The following CELSR3 variants were observed in gnomAD, a reference collection of about 807,000 sequenced individuals.
CELSR3 encodes the protein cadherin EGF LAG seven-pass G-type receptor 3, also known as EGF-like protein 1.
A neutral mutation model predicts 270.0 loss-of-function variants in CELSR3; 73 were observed. The ratio of observed to expected loss-of-function variants is 0.27; its 90% CI spans 0.22 to 0.33. The LOEUF is 0.33. Among genes scored for constraint, CELSR3 ranks in the 10% least tolerant of loss-of-function variants. The pLI is 1.00. For synonymous variants in CELSR3, 1,780 were observed against 1,905.4 expected (o/e 0.93, Z 1.71); for missense variants, 3,614 against 4,533.8 (o/e 0.80, Z 5.83).
In CELSR3 at chr3:48,654,971, G is replaced by A; in HGVS notation, c.4988+73C>T. On this transcript the variant is annotated intron_variant, in intron 6 of 34. Coordinates refer to ENST00000164024, the MANE Select transcript of CELSR3 (RefSeq NM_001407.3). This position sits in a 1 kb window ranked among gnomAD's most constrained non-coding sequence, Gnocchi z 5.4. Reference sequence around the variant, plus strand: ...GGGAGAGTTTGGCAGGATGGGATGAGGAATGGGATGTGAAGGGTTGGAGTG... The same window carrying A: ...GGGAGAGTTTGGCAGGATGGGATGAAGAATGGGATGTGAAGGGTTGGAGTG... 2.1e-6 allele frequency: 3 copies of A among 1,429,002 alleles called. No homozygotes were observed. The highest frequency in any genetic ancestry group is 1.2e-5 in the South Asian group (1 of 86,584). The allele number at this position is 1,429,002 out of a possible 1,614,324, so 88.5% of individuals were successfully genotyped here. A position where few individuals can be genotyped will look rare whatever the true frequency, so the allele number is the denominator to read the frequency against.
rs377418819 is a variant in CELSR3 at position 48,638,745 on chromosome 3, G to A, written c.9912-513C>T. Among the ~76,000 whole-genome samples the A allele has an allele frequency of 1.3e-4, 19 of 150,248 alleles. No individual in the cohort carries two copies. In the East Asian group the frequency reaches 1.9e-3, roughly 15 times the overall value. On this transcript the variant is annotated intron_variant, in intron 34 of 34. Transcript: ENST00000164024. ...AGACTGCAGGGGGACCCAGGCCGTG[G>A]GTTAGCTCCCTCTGGTCCCCACCCC...
chr3:48,652,916 AGAG>A lies in CELSR3; in HGVS notation c.5634+83_5634+85del. On this transcript the variant is annotated intron_variant, in intron 10 of 34. Transcript: ENST00000164024. The surrounding 1 kb of genome is among the most constrained non-coding windows in gnomAD (Gnocchi z 4.3). ...AGACTCAGTGCAGTGGAGGGAACTGAGAGGAGCTGGACTAGAGGTGGGGTCAAA... is the reference window on the plus strand; with the variant it reads ...AGACTCAGTGCAGTGGAGGGAACTGAGAGCTGGACTAGAGGTGGGGTCAAA... 9.0e-7 allele frequency: 1 copy of A among 1,116,528 alleles called. No homozygotes were observed. The highest frequency in any genetic ancestry group is 1.3e-6 in the Non-Finnish European group (1 of 748,744). The allele number at this position is 1,116,528 out of a possible 1,614,324, so 69.2% of individuals were successfully genotyped here.
rs765087604 is a variant in CELSR3, at chr3:48,641,946, G to A, written c.8729C>T (p.Ser2910Phe). ...CCGGCCATTGTCCTCGCTTTCTGAA[G>A]ATGGAATGGAGAGACTCCTCTCCTC... ...LEEERSLSIP[S>F]SESEDNGRTR... Residue 2910 changes from serine (S) to phenylalanine (F), a missense_variant, in exon 32 of 35, where the codon TCT becomes TTT. Ser to Phe is a radical substitution (Grantham distance 155). Transcript: ENST00000164024. The surrounding 1 kb of genome is among the most constrained non-coding windows in gnomAD (Gnocchi z 4.8). 35 of 1,602,798 alleles carry A rather than the reference G, an allele frequency of 2.2e-5. No individual in the cohort carries two copies. Among genetic ancestry groups the A allele is most frequent in the Non-Finnish European group, 3.0e-5 (35 of 1,175,882 alleles).
intron 34 of CELSR3, 141 bp from the exon 35 acceptor site, chr3:48,638,373 GC>G: frequency 1.5e-6 from 1 of 681,660 alleles, no homozygotes; most frequent in Non-Finnish European, 2.7e-6. Context: ...GCCCCTTCAT[GC>G]CCACTCCAGG....
At position 48,657,132 on chromosome 3, in the gene CELSR3, C is replaced by A; in HGVS notation, c.3965G>T (p.Gly1322Val). 1 of 1,614,014 alleles carries A rather than the reference C, an allele frequency of 6.2e-7. No homozygotes were observed. The highest frequency in any genetic ancestry group is 1.1e-5 in the South Asian group (1 of 91,086). The stretch of plus-strand genomic sequence containing the variant: ...GAAACTCACATTGAGCACGGTGCCC[C>A]CTACGTCTGTGTCGTTCTGGATGTT... Reference protein sequence around the residue: ...IFNIQNDTDVGGTVLNVSFSA... With the variant: ...IFNIQNDTDVVGTVLNVSFSA... The change falls in exon 2 of 35, where the codon GGG (glycine) becomes GTG (valine). Residue 1322 changes from glycine to valine, a missense_variant. Physicochemically the swap from Gly to Val is moderately radical, Grantham distance 109. Around this residue, in one of 7 missense-constraint regions of CELSR3, gnomAD observed 1,331 missense variants for 1,933.7 expected, o/e 0.69. Coordinates refer to ENST00000164024, the MANE Select transcript of CELSR3 (RefSeq NM_001407.3). This position sits in a 1 kb window ranked among gnomAD's most constrained non-coding sequence, Gnocchi z 5.4.
In CELSR3 at chr3:48,659,561, A is replaced by G; in HGVS notation, c.3074T>C (p.Leu1025Pro). The G allele has an allele frequency of 4.3e-6, 7 of 1,614,184 alleles. No homozygotes were observed. The highest frequency in any genetic ancestry group is 5.1e-6 in the Non-Finnish European group (6 of 1,180,040). The change falls in exon 1 of 35, where the codon CTA (leucine) becomes CCA (proline). Residue 1025 changes from leucine (L) to proline (P), a missense_variant. Physicochemically the swap from Leu to Pro is moderately conservative, Grantham distance 98 (BLOSUM62 -3). Around this residue, in one of 7 missense-constraint regions of CELSR3, gnomAD observed 1,331 missense variants for 1,933.7 expected, o/e 0.69. Transcript: ENST00000164024. This position sits in a 1 kb window ranked among gnomAD's most constrained non-coding sequence, Gnocchi z 8.1. ...ATACACTGATACTGCCTCCCGGTCT[A>G]GCCGCCTTACTGTACGGACAATTCC... ...TSGIVRTVRR[L>P]DREAVSVYEL...
chr3:48,650,180 G>A lies in CELSR3; in HGVS notation c.6472+300C>T. 1.9e-6 allele frequency: 1 copy of A among 531,084 alleles called. No homozygotes were observed. Among genetic ancestry groups the A allele is most frequent in the East Asian group, 4.8e-5 (1 of 20,954 alleles). 32.9% of individuals were successfully genotyped at this position (531,084 alleles called of 1,614,324 possible). ...GCCTGCAGGGACTTTAGGCAGCAGGGAGGGGTCTGCAGGGACCTCAGGCAG... is the reference window on the plus strand; with the variant it reads ...GCCTGCAGGGACTTTAGGCAGCAGGAAGGGGTCTGCAGGGACCTCAGGCAG... On this transcript the variant is annotated intron_variant, in intron 16 of 34. Coordinates refer to ENST00000164024, the MANE Select transcript of CELSR3 (RefSeq NM_001407.3). The surrounding 1 kb of genome is among the most constrained non-coding windows in gnomAD (Gnocchi z 5.1).
Position 48,654,031 on chromosome 3 carries a change from T to C in CELSR3, c.5153-28A>G, listed in dbSNP as rs768968456. On this transcript the variant is annotated intron_variant, in intron 7 of 34. Coordinates refer to ENST00000164024, the MANE Select transcript of CELSR3 (RefSeq NM_001407.3). The surrounding 1 kb of genome is among the most constrained non-coding windows in gnomAD (Gnocchi z 5.4). ...GGGAGAGGAAAGCACATGGCGGACA[T>C]GAGAACAAGGGTTGGGGGGCACAAG... 60 of 1,608,536 alleles carry C rather than the reference T, an allele frequency of 3.7e-5. No homozygotes were observed. The highest frequency in any genetic ancestry group is 4.8e-5 in the Non-Finnish European group (57 of 1,176,720).
chr3:48,642,426 G>A lies in CELSR3; in HGVS notation c.8597C>T (p.Thr2866Ile). Residue 2866 changes from threonine (T) to isoleucine (I), a missense_variant, in exon 31 of 35, where the codon ACT (threonine) becomes ATT (isoleucine). Transcript: ENST00000164024. The surrounding 1 kb of genome is among the most constrained non-coding windows in gnomAD (Gnocchi z 6.1). ...AGCATGAGCCTGGAGGCTGTGGTCA[G>A]TGTGGTCAGCGGCTGAGCCATGTCG... ...LVRHGSAADHTDHSLQAHAGP... is the reference protein window; with the variant it reads ...LVRHGSAADHIDHSLQAHAGP... 6.2e-7 allele frequency: 1 copy of A among 1,613,274 alleles called. No homozygotes were observed.
rs2077039437 is a variant in CELSR3 at position 48,658,368 on chromosome 3, G to A, written c.3748+519C>T. 6.6e-6 allele frequency among the ~76,000 whole-genome samples: 1 copy of A among 152,306 alleles called. No individual in the cohort carries two copies. The highest frequency in any genetic ancestry group is 6.5e-5 in the Admixed American group (1 of 15,300). ...GCAGGAAAGAGGCAAGTGGACCTCT[G>A]GACATTTTCCCAAAGGTCAGGGTCT... On this transcript the variant is annotated intron_variant, in intron 1 of 34. Coordinates refer to ENST00000164024, the MANE Select transcript of CELSR3 (RefSeq NM_001407.3). This position sits in a 1 kb window ranked among gnomAD's most constrained non-coding sequence, Gnocchi z 4.7.
rs1291261308 is a variant in CELSR3 at position 48,661,078 on chromosome 3, G to T, written c.1557C>A (p.Gly519=). The T allele has an allele frequency of 6.2e-7, 1 of 1,613,418 alleles. No individual in the cohort carries two copies. Among genetic ancestry groups the T allele is most frequent in the African/African-American group, 1.3e-5 (1 of 74,942 alleles). Residue 519 remains glycine, a synonymous_variant, in exon 1 of 35, where the codon GGC becomes GGA. Coordinates refer to ENST00000164024, the MANE Select transcript of CELSR3 (RefSeq NM_001407.3). ...TGGCCGAGCGCGGCCCGGGTTCCTG[G>T]CCCTGGTCGCTGGCTTCCACCACCA... is the stretch of plus-strand genomic sequence containing the variant. ...YELVVEASDQ[G]QEPGPRSATV... is the part of the protein sequence containing the mutation.
At position 48,661,262 on chromosome 3, in the gene CELSR3, G is replaced by T. The variant is rs143147049; in HGVS notation, c.1373C>A (p.Thr458Asn). The change falls in exon 1 of 35, where the codon ACT becomes AAT. Residue 458 changes from threonine (T) to asparagine (N), a missense_variant. Around this residue, in one of 7 missense-constraint regions of CELSR3, gnomAD observed 354 missense variants for 500.9 expected, o/e 0.71. Transcript: ENST00000164024. ...GGCGTTGGGGGGCGCGTCGCCGTCA[G>T]TGGCACGCAGCTGCAGGATAGGGTA... ...EGYPILQLRATDGDAPPNANL... is the reference protein window; with the variant it reads ...EGYPILQLRANDGDAPPNANL... 2 of 1,610,346 alleles carry T rather than the reference G, an allele frequency of 1.2e-6. No individual in the cohort carries two copies. Among genetic ancestry groups the T allele is most frequent in the African/African-American group, 2.7e-5 (2 of 74,858 alleles).
chr3:48,647,990 C>A lies in CELSR3; in HGVS notation c.6980G>T (p.Ser2327Ile), dbSNP rs1255920443. ...ACTGGGGTGCTCCATGCGGTCAATGCTGAGCACTACCCAGGAGAAAGAAAG... is the reference window on the plus strand; with the variant it reads ...ACTGGGGTGCTCCATGCGGTCAATGATGAGCACTACCCAGGAGAAAGAAAG... ...MGLVTPNIML[S>I]IDRMEHPSSP... The change falls in exon 20 of 35, where the codon AGC (serine) becomes ATC (isoleucine). Residue 2327 changes from serine to isoleucine, a missense_variant. Physicochemically the swap from Ser to Ile is moderately radical, Grantham distance 142 (BLOSUM62 -2). Coordinates refer to ENST00000164024, the MANE Select transcript of CELSR3 (RefSeq NM_001407.3). 14 of 1,611,866 alleles carry A rather than the reference C, an allele frequency of 8.7e-6. No individual in the cohort carries two copies. Among genetic ancestry groups the A allele is most frequent in the Non-Finnish European group, 1.0e-5 (12 of 1,179,624 alleles).
Position 48,648,785 on chromosome 3 carries a change from C to G in CELSR3, c.6711G>C (p.Leu2237=), listed in dbSNP as rs1342230534. The G allele has an allele frequency of 6.2e-7, 1 of 1,612,852 alleles. No homozygotes were observed. Among genetic ancestry groups the G allele is most frequent in the Non-Finnish European group, 8.5e-7 (1 of 1,180,002 alleles). ...CCTGCTGATGGCTCTCGAAGGCCAG[C>G]AGGTGGGCCAGCAGGCGGGCAGTGA... ...VRVTARLLAH[L]LAFESHQQGF... Residue 2237 remains leucine (L), a synonymous_variant, in exon 18 of 35, where the codon CTG becomes CTC. Coordinates refer to ENST00000164024, the MANE Select transcript of CELSR3 (RefSeq NM_001407.3).
rs979798007 is a variant in CELSR3, at chr3:48,650,263, C to T, written c.6472+217G>A. 2.9e-5 allele frequency: 19 copies of T among 663,726 alleles called. No individual in the cohort carries two copies. Among genetic ancestry groups the T allele is most frequent in the African/African-American group, 2.7e-4 (15 of 56,266 alleles). 41.1% of individuals were successfully genotyped at this position (663,726 alleles called of 1,614,324 possible). ...AGGGGGCAGTGCACCTGAGCAAACA[C>T]GTACCCCTTACCTGCACCCCGCAAT... On this transcript the variant is annotated intron_variant, in intron 16 of 34. Coordinates refer to ENST00000164024, the MANE Select transcript of CELSR3 (RefSeq NM_001407.3). The surrounding 1 kb of genome is among the most constrained non-coding windows in gnomAD (Gnocchi z 5.1).
In CELSR3 at chr3:48,654,389, G is replaced by A. The variant is rs773875929; in HGVS notation, c.5052C>T (p.Pro1684=). 3.4e-5 allele frequency: 54 copies of A among 1,610,132 alleles called. No individual in the cohort carries two copies. The Middle Eastern group carries it at 1.3e-3, about 39-fold the overall frequency. ...AGCCGATGAAGTCCTTATGGGATACGGGGAAGTTCTCGGGGAGGTTGGGGA... is the reference window on the plus strand; with the variant it reads ...AGCCGATGAAGTCCTTATGGGATACAGGGAAGTTCTCGGGGAGGTTGGGGA... ...GGVPNLPENF[P]VSHKDFIGCM... is the part of the protein sequence containing the mutation. The change falls in exon 7 of 35, where the codon CCC becomes CCT. Residue 1684 remains proline, a synonymous_variant. Coordinates refer to ENST00000164024, the MANE Select transcript of CELSR3 (RefSeq NM_001407.3). The surrounding 1 kb of genome is among the most constrained non-coding windows in gnomAD (Gnocchi z 5.4).
At position 48,646,653 on chromosome 3, in the gene CELSR3, T is replaced by C; in HGVS notation, c.7295+110A>G. 1 of 1,146,104 alleles carries C rather than the reference T, an allele frequency of 8.7e-7. No homozygotes were observed. The highest frequency in any genetic ancestry group is 1.2e-6 in the Non-Finnish European group (1 of 807,978). The allele number at this position is 1,146,104 out of a possible 1,614,324, so 71.0% of individuals were successfully genotyped here. On this transcript the variant is annotated intron_variant, in intron 21 of 34. Transcript: ENST00000164024. This position sits in a 1 kb window ranked among gnomAD's most constrained non-coding sequence, Gnocchi z 4.8. ...AGAACCCGGCAAGGATGGGGCTCCC[T>C]GGAGCTGTGCTCCTCTCTGTGTGTT...
chr3:48,639,556 G>C lies in CELSR3; in HGVS notation c.9911+118C>G. The stretch of plus-strand genomic sequence containing the variant: ...GGCCCTCTGGCTGTGCTGAGCCTGG[G>C]GTAGCCCACACCTGTCTGCCAGCCC... On this transcript the variant is annotated intron_variant, in intron 34 of 34. Transcript: ENST00000164024. This position sits in a 1 kb window ranked among gnomAD's most constrained non-coding sequence, Gnocchi z 4.1. 7.2e-7 allele frequency: 1 copy of C among 1,379,780 alleles called. No homozygotes were observed. Among genetic ancestry groups the C allele is most frequent in the Non-Finnish European group, 9.9e-7 (1 of 1,008,054 alleles). The allele number at this position is 1,379,780 out of a possible 1,614,324, so 85.5% of individuals were successfully genotyped here. A position where few individuals can be genotyped will look rare whatever the true frequency, so the allele number is the denominator to read the frequency against.
At position 48,662,056 on chromosome 3, in the gene CELSR3, T is replaced by C. The variant is rs898967576; in HGVS notation, c.579A>G (p.Thr193=). The C allele has an allele frequency of 3.1e-6, 5 of 1,613,966 alleles. No homozygotes were observed. Among genetic ancestry groups the C allele is most frequent in the Non-Finnish European group, 3.4e-6 (4 of 1,180,040 alleles). Residue 193 remains threonine, a synonymous_variant, in exon 1 of 35, where the codon ACA becomes ACG. Coordinates refer to ENST00000164024, the MANE Select transcript of CELSR3 (RefSeq NM_001407.3). The surrounding 1 kb of genome is among the most constrained non-coding windows in gnomAD (Gnocchi z 7.1). ...CGGTGCCCACTCTTTTGCGGGAGCC[T>C]GTCCCAGCGTTCCGCTGGGAGGACA... ...KPVSSQRNAG[T]GSRKRVGTAR...
Sources: gnomAD v4.1 joint callset for allele counts (sites outside exome capture counted in the v4.1 genomes callset) on GRCh38, gnomAD v4.1.1 for gene constraint, gnomAD v4.1.1 regional missense constraint, Gnocchi (gnomAD v3.1) non-coding constraint, MANE v1.5 for transcripts, NCBI Gene and HGNC (gene_info 2026-07-23, HGNC 2026-07-21) for gene names.